Variants in CACHD1 observed in about 807,000 individuals in gnomAD.
CACHD1 encodes the protein cache domain containing 1.
CACHD1 carries 71 observed loss-of-function variants against 138.7 expected under a neutral mutation model. The observed-to-expected ratio is 0.51, with a 90% CI of 0.42 to 0.62. CACHD1 has a LOEUF of 0.62. CACHD1 is among the 20% of genes least tolerant of loss of function. CACHD1 has a pLI of 0.00. For missense variants in CACHD1, 1,389 were observed against 1,625.3 expected, an observed-to-expected ratio of 0.85 and a Z score of 2.50; for synonymous variants, 578 against 591.5, an observed-to-expected ratio of 0.98 and a Z score of 0.33.
At chr1:64,623,544 T>C (rs948147696) in intron 4 of CACHD1, among the ~76,000 whole-genome samples, 1 of 152,140 alleles carries the variant, frequency 6.6e-6, no homozygotes, top group Non-Finnish European at 1.5e-5. Flanking sequence ...TGAAAAGAAC[T>C]AGGAATCTCT....
At chr1:64,666,892 A>C (rs146453364) in intron 16 of CACHD1, among the ~76,000 whole-genome samples, 249 of 151,454 alleles carry the variant, frequency 1.6e-3, no homozygotes, top group Admixed American at 2.9e-3. Flanking sequence ...AAAAGTACCA[A>C]GATATCAAAC....
chr1:64,540,547 C>A (rs1242091767), intron 1 of CACHD1, among the ~76,000 whole-genome samples: 1 of 152,138 alleles, frequency 6.6e-6, no homozygotes, highest in Non-Finnish European at 1.5e-5. Flanking sequence ...AAAGCCAAAA[C>A]AACAACAAAA....
At position 64,550,496 on chromosome 1, in the gene CACHD1, A is replaced by G. The variant is rs1041613426; in HGVS notation, c.199-98A>G. ...TGCATTTTAATTAAATTTTTTTTCTACTAGATTCTATTTGTTGTAAACAAA... is the reference window on the plus strand; with the variant it reads ...TGCATTTTAATTAAATTTTTTTTCTGCTAGATTCTATTTGTTGTAAACAAA... On this transcript the variant is annotated intron_variant, in intron 1 of 26. Transcript: ENST00000651257. 20 of 816,698 alleles carry G rather than the reference A, an allele frequency of 2.4e-5. 4 individuals carry two copies. The highest frequency in any genetic ancestry group is 1.3e-4 in the Admixed American group (5 of 38,874). The allele number at this position is 816,698 out of a possible 1,614,324, so 50.6% of individuals were successfully genotyped here.
rs116333071 is a variant in CACHD1 at position 64,605,217 on chromosome 1, G to A, written c.517+2305G>A. ...TAAACTCAGGTGGTCCACCTGCCTC[G>A]GCCTCCTAAAGTTCTGGGATTACAA... On this transcript the variant is annotated intron_variant, in intron 4 of 26. Transcript: ENST00000651257. Among the ~76,000 whole-genome samples the A allele has an allele frequency of 4.2e-3, 634 of 151,950 alleles. 6 individuals are homozygous for A. Among genetic ancestry groups the A allele is most frequent in the African/African-American group, 0.015 (604 of 41,454 alleles).
At chr1:64,670,592 G>C (rs1218553457) in intron 16 of CACHD1, among the ~76,000 whole-genome samples, 1 of 152,144 alleles carries the variant, frequency 6.6e-6, no homozygotes, top group Non-Finnish European at 1.5e-5. Context: ...CAAGTGAGAA[G>C]TCCACACTTC....
intron 1 of CACHD1, among the ~76,000 whole-genome samples, chr1:64,540,402 C>T (rs972173086): frequency 6.6e-6 from 1 of 152,004 alleles, no homozygotes; most frequent in Non-Finnish European, 1.5e-5. Context: ...TTGGGCAACT[C>T]GACTTTCCAT....
intron 7 of CACHD1, among the ~76,000 whole-genome samples, chr1:64,635,183 G>A (rs956882078): frequency 6.6e-6 from 1 of 151,516 alleles, no homozygotes; most frequent in South Asian, 2.1e-4. Flanking sequence ...CTGCACTTAT[G>A]TCCCAAGGGA....
At chr1:64,607,039 T>C (rs1647363469) in intron 4 of CACHD1, among the ~76,000 whole-genome samples, 1 of 152,228 alleles carries the variant, frequency 6.6e-6, no homozygotes. Context: ...TATACAAGTC[T>C]GCAGTCTAGG....
chr1:64,679,194 A>G (rs1316080789), intron 23 of CACHD1, among the ~76,000 whole-genome samples: 1 of 152,336 alleles, frequency 6.6e-6, no homozygotes, highest in East Asian at 1.9e-4. Context: ...CGGTTAGCGC[A>G]TATTTATTGG....
At chr1:64,672,866 G>T (rs951293626) in intron 17 of CACHD1, among the ~76,000 whole-genome samples, 1 of 152,120 alleles carries the variant, frequency 6.6e-6, no homozygotes, top group Non-Finnish European at 1.5e-5. Flanking sequence ...CAAAAGGTCT[G>T]AGTCCATCTT....
At chr1:64,566,451 A>T (rs1197232270) in intron 2 of CACHD1, among the ~76,000 whole-genome samples, 1 of 138,784 alleles carries the variant, frequency 7.2e-6, no homozygotes, top group African/African-American at 2.6e-5. Context: ...GTGTATTTAG[A>T]TTCAGTGCTC....
chr1:64,523,408 T>C (rs1276914109), intron 1 of CACHD1, among the ~76,000 whole-genome samples: 1 of 152,194 alleles, frequency 6.6e-6, no homozygotes, highest in Non-Finnish European at 1.5e-5. Context: ...ATTGAGGCAT[T>C]TGAGTGGCAT....
At chr1:64,565,203 C>G (rs2100494437) in intron 2 of CACHD1, among the ~76,000 whole-genome samples, 1 of 151,734 alleles carries the variant, frequency 6.6e-6, no homozygotes, top group East Asian at 1.9e-4. Flanking sequence ...TTCTTTGTCC[C>G]CAATTTTTCC....
intron 21 of CACHD1, 56 bp downstream of exon 21, chr1:64,676,039 T>G: frequency 4.0e-5 from 18 of 447,806 alleles, no homozygotes; most frequent in Admixed American, 5.5e-5. Flanking sequence ...ATAATAATAA[T>G]ACATATGTAA....
chr1:64,603,250 G>T (rs1447408998), intron 4 of CACHD1, among the ~76,000 whole-genome samples: 1 of 151,382 alleles, frequency 6.6e-6, no homozygotes, highest in Non-Finnish European at 1.5e-5. Context: ...GACTACAGGC[G>T]CCCACCACCA....
At chr1:64,669,707 T>C (rs1457377970) in intron 16 of CACHD1, among the ~76,000 whole-genome samples, 1 of 151,908 alleles carries the variant, frequency 6.6e-6, no homozygotes, top group Non-Finnish European at 1.5e-5. Context: ...TTTTTTCCAG[T>C]ATCATTCTTT....
rs200969369 is a variant in CACHD1, at chr1:64,664,613, A to G, written c.2210A>G (p.Asn737Ser). ...YIVRRYIATP[N>S]GVLRIYPGSL... ...GTCCGCCGTTACATAGCAACACCCA[A>G]TGGCGTCCTCAGAATTTATCCTGGT... Residue 737 changes from asparagine to serine, a missense_variant, in exon 15 of 27, where the codon AAT (asparagine) becomes AGT (serine). Asn to Ser is a conservative substitution (Grantham distance 46). Transcript: ENST00000651257. 6.9e-5 allele frequency: 111 copies of G among 1,614,146 alleles called. No homozygotes were observed. In the East Asian group the frequency reaches 2.2e-3, roughly 33 times the overall value.
intron 1 of CACHD1, among the ~76,000 whole-genome samples, chr1:64,540,490 A>C (rs1646669138): frequency 6.6e-6 from 1 of 152,188 alleles, no homozygotes; most frequent in African/African-American, 2.4e-5. Flanking sequence ...GACTCTTTCC[A>C]ACATGTGGAA....
intron 1 of CACHD1, among the ~76,000 whole-genome samples, chr1:64,497,369 G>A (rs1002185110): frequency 6.6e-6 from 1 of 152,174 alleles, no homozygotes; most frequent in African/African-American, 2.4e-5. Flanking sequence ...GTGCTTGTGG[G>A]CTGGGGGAAA....
Sources: gnomAD v4.1 joint callset for allele counts (sites outside exome capture counted in the v4.1 genomes callset) on GRCh38, gnomAD v4.1.1 for gene constraint, MANE v1.5 for transcripts, NCBI Gene and HGNC (gene_info 2026-07-23, HGNC 2026-07-21) for gene names.